The following CCDC148 variants were observed in gnomAD, a reference collection of about 807,000 sequenced individuals.
CCDC148 encodes coiled-coil domain containing 148.
In CCDC148, 89 loss-of-function variants were observed where a neutral mutation model predicts 85.7. That is an observed-to-expected ratio of 1.04 (90% CI 0.87 to 1.24). The LOEUF (loss-of-function observed/expected upper bound fraction) is 1.24, where lower values mean the gene tolerates loss of function less well. Ranked by LOEUF, CCDC148 falls within the 50% of genes most tolerant of loss-of-function variation. CCDC148 has a pLI of 0.00. For missense variants in CCDC148, 692 were observed against 671.7 expected, an observed-to-expected ratio of 1.03 and a Z score of -0.33; for synonymous variants, 230 against 213.9, an observed-to-expected ratio of 1.08 and a Z score of -0.66.
At chr2:158,263,144 T>C (rs1276602196) in intron 9 of CCDC148, among the ~76,000 whole-genome samples, 1 of 152,068 alleles carries the variant, frequency 6.6e-6, no homozygotes, top group Non-Finnish European at 1.5e-5. Flanking sequence ...GATTCAGCTT[T>C]GAACGATTCA....
intron 1 of CCDC148, among the ~76,000 whole-genome samples, chr2:158,449,146 A>G (rs1688287735): frequency 6.6e-6 from 1 of 152,046 alleles, no homozygotes; most frequent in South Asian, 2.1e-4. Flanking sequence ...TTTAAAATTC[A>G]TTTTCAGATT....
intron 11 of CCDC148, among the ~76,000 whole-genome samples, chr2:158,187,596 C>A (rs1252461806): frequency 6.6e-6 from 1 of 151,986 alleles, no homozygotes; most frequent in Admixed American, 6.6e-5. Flanking sequence ...AAACTCAGAG[C>A]CGTCTTTCAG....
At chr2:158,230,548 C>T (rs114929529) in intron 10 of CCDC148, among the ~76,000 whole-genome samples, 3,595 of 152,090 alleles carry the variant, frequency 0.024, 126 homozygotes, top group African/African-American at 0.077. Flanking sequence ...AGACTAGAAG[C>T]GAGATTGGAG....
chr2:158,357,236 TAAAA>T (rs909245868), intron 2 of CCDC148, among the ~76,000 whole-genome samples: 2 of 110,622 alleles, frequency 1.8e-5, no homozygotes, highest in Admixed American at 8.9e-5. Context: ...TAATAAAAAA[TAAAA>T]AAAAAGAAGA....
chr2:158,288,121 G>A (rs1690718794), intron 9 of CCDC148, among the ~76,000 whole-genome samples: 2 of 152,138 alleles, frequency 1.3e-5, no homozygotes, highest in South Asian at 4.1e-4. Flanking sequence ...TGGGATGAAG[G>A]ACACCAAGTC....
At chr2:158,255,466 C>A (rs1688973773) in intron 9 of CCDC148, among the ~76,000 whole-genome samples, 1 of 151,636 alleles carries the variant, frequency 6.6e-6, no homozygotes, top group African/African-American at 2.4e-5. Context: ...ATTGAAATAA[C>A]CCTTATCCAA....
intron 1 of CCDC148, among the ~76,000 whole-genome samples, chr2:158,379,636 C>A (rs1684789380): frequency 6.6e-6 from 1 of 152,124 alleles, no homozygotes; most frequent in Non-Finnish European, 1.5e-5. Context: ...GCTACCCCAA[C>A]CTTCCTCAGC....
chr2:158,418,561 T>C (rs1194993950), intron 1 of CCDC148, among the ~76,000 whole-genome samples: 2 of 152,164 alleles, frequency 1.3e-5, no homozygotes, highest in Non-Finnish European at 2.9e-5. Context: ...AGTTCCCAAA[T>C]GGCTAGTTCC....
At chr2:158,379,649 C>T (rs1684790306) in intron 1 of CCDC148, among the ~76,000 whole-genome samples, 1 of 152,150 alleles carries the variant, frequency 6.6e-6, no homozygotes, top group African/African-American at 2.4e-5. Flanking sequence ...TCCTCAGCCA[C>T]TACCTTGATC....
In CCDC148 at chr2:158,355,464, G is replaced by C. The variant is rs541425046; in HGVS notation, c.147+2985C>G. ...AAAAACAGAGAGCCAAATCATGAGT[G>C]AACTCCCATTCACAATTGCTTCAAA... On this transcript the variant is annotated intron_variant, in intron 2 of 13. Transcript: ENST00000283233. Among the ~76,000 whole-genome samples the C allele has an allele frequency of 6.6e-5, 10 of 151,940 alleles. No homozygotes were observed. The South Asian group carries it at 2.1e-3, about 32-fold the overall frequency.
chr2:158,450,926 C>T (rs1204910517), intron 1 of CCDC148, among the ~76,000 whole-genome samples: 2 of 152,072 alleles, frequency 1.3e-5, no homozygotes, highest in Non-Finnish European at 2.9e-5. Flanking sequence ...CTGGGGCTCC[C>T]AGCATAAATT....
At chr2:158,421,684 G>GAA (rs1686791751) in intron 1 of CCDC148, among the ~76,000 whole-genome samples, 4 of 151,990 alleles carry the variant, frequency 2.6e-5, no homozygotes, top group South Asian at 2.1e-4. Context: ...AAGAACTCAA[G>GAA]AAGCAAGAGC....
rs373985434 is a variant in CCDC148, at chr2:158,313,921, T to C, written c.765-27A>G. The C allele has an allele frequency of 2.1e-5, 34 of 1,599,618 alleles. 1 individual carries two copies. The highest frequency in any genetic ancestry group is 2.6e-5 in the Non-Finnish European group (31 of 1,172,366). On this transcript the variant is annotated intron_variant, in intron 7 of 13. Coordinates refer to ENST00000283233, the MANE Select transcript of CCDC148 (RefSeq NM_138803.4). Reference sequence around the variant, plus strand: ...TAGAAGCAACAAAAATGTCACAACATATTATTGAGCAATCATGAAATTTGA... The same window carrying C: ...TAGAAGCAACAAAAATGTCACAACACATTATTGAGCAATCATGAAATTTGA...
At chr2:158,200,004 A>G (rs6745107) in intron 11 of CCDC148, among the ~76,000 whole-genome samples, 9,093 of 152,238 alleles carry the variant, frequency 0.06, 901 homozygotes, top group African/African-American at 0.2. Context: ...GACGCATTCA[A>G]ACTAGTCATT....
intron 1 of CCDC148, among the ~76,000 whole-genome samples, chr2:158,421,494 T>C (rs1686779562): frequency 6.6e-6 from 1 of 152,078 alleles, no homozygotes; most frequent in South Asian, 2.1e-4. Context: ...GACTACTGGG[T>C]ACATAAAGAA....
chr2:158,382,026 G>A (rs745675850), intron 1 of CCDC148, among the ~76,000 whole-genome samples: 3 of 152,056 alleles, frequency 2.0e-5, no homozygotes, highest in Non-Finnish European at 4.4e-5. Flanking sequence ...TCTTCTGAAT[G>A]GGATTAGTGT....
At chr2:158,288,755 CT>C in intron 9 of CCDC148, 1 of 402,222 alleles carries the variant, frequency 2.5e-6, no homozygotes, top group South Asian at 1.8e-5. Flanking sequence ...TTTCGGGTAT[CT>C]TTTCAGCAAC....
intron 2 of CCDC148, among the ~76,000 whole-genome samples, chr2:158,355,229 G>C (rs1683562130): frequency 6.6e-6 from 1 of 152,008 alleles, no homozygotes; most frequent in South Asian, 2.1e-4. Context: ...TTCAGGCCAG[G>C]GCAATTAGGC....
intron 1 of CCDC148, among the ~76,000 whole-genome samples, chr2:158,419,605 T>C (rs1686673134): frequency 6.6e-6 from 1 of 152,178 alleles, no homozygotes; most frequent in Non-Finnish European, 1.5e-5. Context: ...TTTTGGAGAT[T>C]AGTAATACTC....
Sources: gnomAD v4.1 joint callset for allele counts (sites outside exome capture counted in the v4.1 genomes callset) on GRCh38, gnomAD v4.1.1 for gene constraint, MANE v1.5 for transcripts, NCBI Gene and HGNC (gene_info 2026-07-23, HGNC 2026-07-21) for gene names.